RASGRP2: variants seen among roughly 807,000 people sequenced by gnomAD.
RASGRP2 encodes the protein RAS guanyl-releasing protein 2.
RASGRP2 carries 44 observed loss-of-function variants against 71.0 expected under a neutral mutation model. That is an observed-to-expected ratio of 0.62 (90% CI 0.49 to 0.80). RASGRP2 has a LOEUF of 0.80. RASGRP2 is among the 30% of genes least tolerant of loss of function. The pLI, the probability that RASGRP2 is intolerant of heterozygous loss-of-function variation, is 0.00. For synonymous variants in RASGRP2, 350 were observed against 330.7 expected (o/e 1.06, Z -0.63); for missense variants, 663 against 813.4 (o/e 0.82, Z 2.25).
In RASGRP2 at chr11:64,743,898, C is replaced by A. The variant is rs1196784155; in HGVS notation, c.-72+105G>T. Reference sequence around the variant, plus strand: ...GTGGAGGTGCAGGCGTCCGCACTTACACGCACCGGGCCACAGGCACCGGCC... The same window carrying A: ...GTGGAGGTGCAGGCGTCCGCACTTAAACGCACCGGGCCACAGGCACCGGCC... On this transcript the variant is annotated intron_variant, in intron 1 of 16. Transcript: ENST00000394432. The surrounding 1 kb of genome is among the most constrained non-coding windows in gnomAD (Gnocchi z 4.9). The A allele has an allele frequency of 8.4e-6, 7 of 836,802 alleles. No individual in the cohort carries two copies. The highest frequency in any genetic ancestry group is 1.0e-5 in the Non-Finnish European group (7 of 681,820). The allele number at this position is 836,802 out of a possible 1,614,324, so 51.8% of individuals were successfully genotyped here.
intron 12 of RASGRP2, among the ~76,000 whole-genome samples, chr11:64,731,599 G>T (rs1378985736): frequency 6.6e-6 from 1 of 152,080 alleles, no homozygotes; most frequent in Non-Finnish European, 1.5e-5. Flanking sequence ...AAAAATCAAT[G>T]AGAAAAAGAC....
Position 64,740,102 on chromosome 11 carries a change from T to C in RASGRP2, c.433A>G (p.Lys145Glu). The C allele has an allele frequency of 6.2e-7, 1 of 1,614,142 alleles. No homozygotes were observed. Among genetic ancestry groups the C allele is most frequent in the Non-Finnish European group, 8.5e-7 (1 of 1,180,030 alleles). The change falls in exon 6 of 17, where the codon AAG becomes GAG. Residue 145 changes from lysine to glutamate, a missense_variant. Transcript: ENST00000394432. ...AGGTGGTCAAACAACAGGGACATCT[T>C]GCGCTTTTTCTGTCCCACAGGGTTC... ...QRNPVGQKKR[K>E]MSLLFDHLEP...
chr11:64,732,946 C>A (rs1565504087), intron 12 of RASGRP2, among the ~76,000 whole-genome samples: 1 of 150,380 alleles, frequency 6.6e-6, no homozygotes, highest in African/African-American at 2.5e-5. Context: ...AGCAAAACTC[C>A]GTCTCAAAAA....
At chr11:64,738,821 A>G (rs2058027599) in intron 8 of RASGRP2, among the ~76,000 whole-genome samples, 1 of 152,130 alleles carries the variant, frequency 6.6e-6, no homozygotes, top group South Asian at 2.1e-4. Context: ...TGAAGGAGAA[A>G]GAAAAGAAGA....
chr11:64,740,845 G>T, intron 5 of RASGRP2, 103 bp downstream of exon 5: 1 of 1,491,924 alleles, frequency 6.7e-7, no homozygotes. Context: ...TTAAGCGAGA[G>T]AGCAACATGA....
At chr11:64,727,389 C>T (rs2057600498) in intron 15 of RASGRP2, 29 bp from the exon 16 acceptor site, 1 of 1,611,816 alleles carries the variant, frequency 6.2e-7, no homozygotes, top group Non-Finnish European at 8.5e-7. Flanking sequence ...CTGCAGAACA[C>T]ACTTCCAGGT....
chr11:64,744,813 C>G (rs1404109992), upstream of RASGRP2: 1 of 149,310 alleles, frequency 6.7e-6, no homozygotes, highest in Non-Finnish European at 1.5e-5. Flanking sequence ...GCCCGCCGGC[C>G]TCGCTGCGGC....
chr11:64,730,249 G>A, intron 12 of RASGRP2, 55 bp from the exon 13 acceptor site: 1 of 1,548,928 alleles, frequency 6.5e-7, no homozygotes, highest in Non-Finnish European at 8.7e-7. Context: ...ACCATCCACC[G>A]CTGGCCTAAC....
Position 64,742,631 on chromosome 11 carries a change from T to G in RASGRP2, c.73+163A>C, listed in dbSNP as rs944190533. On this transcript the variant is annotated intron_variant, in intron 2 of 16. Transcript: ENST00000394432. This position sits in a 1 kb window ranked among gnomAD's most constrained non-coding sequence, Gnocchi z 4.7. ...CATCTGTCTGAAGGGCGTGCATCTC[T>G]CTGCCCTGCGTTGCGGAGGAGGCTT... 5 of 925,204 alleles carry G rather than the reference T, an allele frequency of 5.4e-6. No homozygotes were observed. The African/African-American group carries it at 8.2e-5, about 15-fold the overall frequency. The allele number at this position is 925,204 out of a possible 1,614,324, so 57.3% of individuals were successfully genotyped here. A position where few individuals can be genotyped will look rare whatever the true frequency, so the allele number is the denominator to read the frequency against.
intron 12 of RASGRP2, 124 bp downstream of exon 12, chr11:64,734,988 C>A: frequency 1.3e-6 from 1 of 799,016 alleles, no homozygotes; most frequent in East Asian, 2.6e-5. Flanking sequence ...CTTTCCCACA[C>A]TGGCAGCTTC....
Position 64,741,050 on chromosome 11 carries a change from A to C in RASGRP2, c.269T>G (p.Phe90Cys). 6.2e-7 allele frequency: 1 copy of C among 1,613,608 alleles called. No individual in the cohort carries two copies. The highest frequency in any genetic ancestry group is 8.5e-7 in the Non-Finnish European group (1 of 1,180,002). ...CTCAGCCAACTCCGGGTTCAAGTCA[A>C]ACTCCGCTGGGAAGGCGGAGATCCA... The part of the protein sequence containing the change: ...RYWISAFPAE[F>C]DLNPELAEQI... The change falls in exon 5 of 17, where the codon TTT (phenylalanine) becomes TGT (cysteine). Residue 90 changes from phenylalanine (F) to cysteine (C), a missense_variant. Coordinates refer to ENST00000394432, the MANE Select transcript of RASGRP2 (RefSeq NM_001098671.2).
chr11:64,738,138 G>C (rs1408106941), intron 8 of RASGRP2, among the ~76,000 whole-genome samples: 1 of 151,972 alleles, frequency 6.6e-6, no homozygotes, highest in African/African-American at 2.4e-5. Flanking sequence ...ATGACAGAAT[G>C]AAAAGACTCT....
Position 64,728,922 on chromosome 11 carries a change from T to C in RASGRP2, c.1712A>G (p.His571Arg). 6.2e-7 allele frequency: 1 copy of C among 1,613,284 alleles called. No individual in the cohort carries two copies. The highest frequency in any genetic ancestry group is 8.5e-7 in the Non-Finnish European group (1 of 1,179,982). Residue 571 changes from histidine (H) to arginine (R), a missense_variant, in exon 15 of 17, where the codon CAT (histidine) becomes CGT (arginine). By Grantham distance (29) the His-to-Arg change is conservative (BLOSUM62 0). Transcript: ENST00000394432. Reference sequence around the variant, plus strand: ...CAGAGAGAAGCTGAAGGCGCGGTGATGGTGGCTGTGCATGGGTGAGGGTGA... The same window carrying C: ...CAGAGAGAAGCTGAAGGCGCGGTGACGGTGGCTGTGCATGGGTGAGGGTGA... ...APSPSPMHSH[H>R]HRAFSFSLPR...
rs200039133 is a variant in RASGRP2, at chr11:64,739,846, C to A, written c.523-37G>T. On this transcript the variant is annotated intron_variant, in intron 6 of 16. Transcript: ENST00000394432. This position sits in a 1 kb window ranked among gnomAD's most constrained non-coding sequence, Gnocchi z 4.2. ...AGGAGTGGCCTCAGCACCTTGCTGG[C>A]CTCTCCCCTCACTGATAGCCACTCC... 6.2e-7 allele frequency: 1 copy of A among 1,612,178 alleles called. No individual in the cohort carries two copies. Among genetic ancestry groups the A allele is most frequent in the African/African-American group, 1.3e-5 (1 of 74,984 alleles).
chr11:64,727,368 G>A lies in RASGRP2; in HGVS notation c.1772-8C>T, dbSNP rs2057599519. 3 of 1,613,632 alleles carry A rather than the reference G, an allele frequency of 1.9e-6. No individual in the cohort carries two copies. The highest frequency in any genetic ancestry group is 2.5e-6 in the Non-Finnish European group (3 of 1,179,804). ...CCTCCTCCTCACGGATCTCTGCTGGGAGGGGGATTGCTGCAGAACACACTT... is the reference window on the plus strand; with the variant it reads ...CCTCCTCCTCACGGATCTCTGCTGGAAGGGGGATTGCTGCAGAACACACTT... On this transcript the variant is annotated splice_polypyrimidine_tract_variant and splice_region_variant and intron_variant, in intron 15 of 16. Transcript: ENST00000394432.
At chr11:64,728,317 G>C (rs1214161931) in intron 15 of RASGRP2, among the ~76,000 whole-genome samples, 2 of 152,308 alleles carry the variant, frequency 1.3e-5, no homozygotes, top group African/African-American at 4.8e-5. Context: ...GAATCTTGAA[G>C]CCTCTTTCAC....
intron 5 of RASGRP2, 143 bp downstream of exon 5, chr11:64,740,805 T>G: frequency 9.1e-7 from 1 of 1,104,400 alleles, no homozygotes; most frequent in Non-Finnish European, 1.4e-6. Context: ...AGGAGGCATG[T>G]TGAAGGCAAT....
chr11:64,740,976 G>A lies in RASGRP2; in HGVS notation c.343C>T (p.His115Tyr). ...CTGTCTATGTCGATTAGGCTGCTGT[G>A]CCGTCGGTTCCCTTCTTGGTCTAGC... ...ALLDQEGNRR[H>Y]SSLIDIDSVP... The change falls in exon 5 of 17, where the codon CAC becomes TAC. Residue 115 changes from histidine (H) to tyrosine (Y), a missense_variant. Transcript: ENST00000394432. 1 of 1,613,864 alleles carries A rather than the reference G, an allele frequency of 6.2e-7. No homozygotes were observed. The highest frequency in any genetic ancestry group is 1.1e-5 in the South Asian group (1 of 91,062).
intron 8 of RASGRP2, among the ~76,000 whole-genome samples, chr11:64,737,977 C>T (rs760417086): frequency 2.0e-5 from 3 of 151,100 alleles, no homozygotes; most frequent in South Asian, 2.1e-4. Flanking sequence ...ACCCAGGAGA[C>T]GGAAGTTGCA....
Sources: allele counts gnomAD v4.1 joint callset (sites outside exome capture counted in the v4.1 genomes callset), GRCh38; gene constraint gnomAD v4.1.1; non-coding constraint Gnocchi (gnomAD v3.1); transcripts MANE v1.5; gene names NCBI Gene and HGNC (gene_info 2026-07-23, HGNC 2026-07-21).